Variants in BORCS5 observed in about 807,000 individuals in gnomAD.
BORCS5 encodes BLOC-1-related complex subunit 5.
In BORCS5, 17 loss-of-function variants were observed where a neutral mutation model predicts 22.1. That is an observed-to-expected ratio of 0.77 (90% CI 0.53 to 1.15). The LOEUF is 1.15. Ranked by LOEUF, BORCS5 falls within the 50% of genes most tolerant of loss-of-function variation. The pLI, the probability that BORCS5 is intolerant of heterozygous loss-of-function variation, is 0.00. For missense variants in BORCS5, 247 were observed against 253.2 expected, an observed-to-expected ratio of 0.98 and a Z score of 0.17; for synonymous variants, 117 against 99.8, an observed-to-expected ratio of 1.17 and a Z score of -1.03.
intron 2 of BORCS5, among the ~76,000 whole-genome samples, chr12:12,382,863 C>A (rs1186506897): frequency 6.6e-6 from 1 of 151,056 alleles, no homozygotes; most frequent in African/African-American, 2.4e-5. Context: ...TGTTTGCTTT[C>A]AACTCTTTTG....
chr12:12,371,145 T>C (rs2417182), intron 2 of BORCS5, among the ~76,000 whole-genome samples: 32,132 of 152,188 alleles, frequency 0.21, 8,166 homozygotes, highest in African/African-American at 0.61. Flanking sequence ...CTTCCATGTC[T>C]CCAGCTCTAG....
intron 2 of BORCS5, among the ~76,000 whole-genome samples, chr12:12,370,212 A>G (rs1863496597): frequency 6.6e-6 from 1 of 152,110 alleles, no homozygotes; most frequent in Non-Finnish European, 1.5e-5. Context: ...ATGTTTACCC[A>G]CATAGTTAAC....
In BORCS5 at chr12:12,470,583, C is replaced by A. The variant is rs1431978293; in HGVS notation, c.*4807C>A. Among the ~76,000 whole-genome samples the A allele has an allele frequency of 2.6e-5, 4 of 151,984 alleles. No homozygotes were observed. The highest frequency in any genetic ancestry group is 5.9e-5 in the Non-Finnish European group (4 of 67,998). ...CATCCAGAAACCATCCCCCTGCTTCCCTGTCTGTAGAAAAATTGTCTTCTA... is the reference window on the plus strand; with the variant it reads ...CATCCAGAAACCATCCCCCTGCTTCACTGTCTGTAGAAAAATTGTCTTCTA... On this transcript the variant is annotated 3_prime_UTR_variant, in exon 4 of 4. Transcript: ENST00000314565.
intron 2 of BORCS5, among the ~76,000 whole-genome samples, chr12:12,399,028 C>G (rs996592510): frequency 5.3e-5 from 8 of 152,132 alleles, no homozygotes; most frequent in Non-Finnish European, 8.8e-5. Context: ...AGTGGTGCCC[C>G]AGTCTCTGCG....
intron 3 of BORCS5, among the ~76,000 whole-genome samples, chr12:12,438,439 G>A (rs980943495): frequency 6.6e-6 from 1 of 151,038 alleles, no homozygotes; most frequent in African/African-American, 2.5e-5. Flanking sequence ...TTAGTAAAGT[G>A]TGGTACGGAG....
chr12:12,412,315 T>A (rs970763385), intron 2 of BORCS5, among the ~76,000 whole-genome samples: 1 of 152,230 alleles, frequency 6.6e-6, no homozygotes, highest in African/African-American at 2.4e-5. Context: ...ATGGTTTTTT[T>A]TATTGTACAA....
intron 2 of BORCS5, among the ~76,000 whole-genome samples, chr12:12,369,461 G>A (rs960152441): frequency 6.6e-6 from 1 of 151,918 alleles, no homozygotes; most frequent in East Asian, 1.9e-4. Flanking sequence ...TTTGTGCTGT[G>A]TGCTTTTGGT....
chr12:12,438,073 TG>T (rs765938357), intron 3 of BORCS5, among the ~76,000 whole-genome samples: 1 of 152,178 alleles, frequency 6.6e-6, no homozygotes, highest in Non-Finnish European at 1.5e-5. Context: ...TAATTAACTA[TG>T]ACATTAACTC....
In BORCS5 at chr12:12,435,779, C is replaced by G; in HGVS notation, c.354C>G (p.Ile118Met). The stretch of plus-strand genomic sequence containing the variant: ...ACCAGAATGCTTTGGTTAAACGAAT[C>G]AAAGAGGTAATGTGCTGCGGGAAAA... ...AFDQNALVKRIKEMDLSVETL... is the reference protein window; with the variant it reads ...AFDQNALVKRMKEMDLSVETL... Residue 118 changes from isoleucine (I) to methionine (M), a missense_variant, in exon 3 of 4, where the codon ATC (isoleucine) becomes ATG (methionine). Ile to Met is a conservative substitution (Grantham distance 10). Coordinates refer to ENST00000314565, the MANE Select transcript of BORCS5 (RefSeq NM_058169.6). 1 of 1,611,326 alleles carries G rather than the reference C, an allele frequency of 6.2e-7. No individual in the cohort carries two copies. Among genetic ancestry groups the G allele is most frequent in the East Asian group, 2.2e-5 (1 of 44,764 alleles).
intron 3 of BORCS5, among the ~76,000 whole-genome samples, chr12:12,464,472 TC>T (rs758464381): frequency 7.2e-5 from 11 of 152,164 alleles, no homozygotes; most frequent in Non-Finnish European, 1.5e-4. Context: ...TGAGCCCTTG[TC>T]CTGATGCAAG....
intron 2 of BORCS5, among the ~76,000 whole-genome samples, chr12:12,433,373 A>C (rs1043265236): frequency 6.7e-6 from 1 of 149,946 alleles, no homozygotes; most frequent in Non-Finnish European, 1.5e-5. Flanking sequence ...GTGCAGCGGC[A>C]TACTCCTGTA....
intron 1 of BORCS5, among the ~76,000 whole-genome samples, chr12:12,358,643 G>A (rs893833611): frequency 1.1e-4 from 17 of 152,128 alleles, no homozygotes; most frequent in Non-Finnish European, 2.2e-4. Context: ...GAGCATTTCC[G>A]ATGTTAGAAT....
chr12:12,400,746 T>C (rs1409375505), intron 2 of BORCS5, among the ~76,000 whole-genome samples: 1 of 152,214 alleles, frequency 6.6e-6, no homozygotes, highest in Non-Finnish European at 1.5e-5. Context: ...CCTTCCCTGA[T>C]ATTCCCTCCT....
chr12:12,391,447 A>G (rs561264121), intron 2 of BORCS5, among the ~76,000 whole-genome samples: 4 of 151,580 alleles, frequency 2.6e-5, no homozygotes, highest in African/African-American at 7.3e-5. Flanking sequence ...GTGCAGTGGC[A>G]TGATCTCGGC....
rs778373272 is a variant in BORCS5, at chr12:12,395,043, A to G, written c.202+33694A>G. Among the ~76,000 whole-genome samples, 15 of 151,978 alleles carry G rather than the reference A, an allele frequency of 9.9e-5. 1 individual carries two copies. Among genetic ancestry groups the G allele is most frequent in the Non-Finnish European group, 1.8e-4 (12 of 68,030 alleles). Reference sequence around the variant, plus strand: ...AGTCATAGGAAACAACTGTATATAGAGAGGAATGATTAATTGAGCTGAACC... The same window carrying G: ...AGTCATAGGAAACAACTGTATATAGGGAGGAATGATTAATTGAGCTGAACC... On this transcript the variant is annotated intron_variant, in intron 2 of 3. Coordinates refer to ENST00000314565, the MANE Select transcript of BORCS5 (RefSeq NM_058169.6).
chr12:12,374,585 T>C (rs1863606066), intron 2 of BORCS5, among the ~76,000 whole-genome samples: 1 of 151,902 alleles, frequency 6.6e-6, no homozygotes, highest in African/African-American at 2.4e-5. Flanking sequence ...GCGGTGTTCA[T>C]AGCGCTGTAC....
intron 2 of BORCS5, among the ~76,000 whole-genome samples, chr12:12,409,093 T>C (rs1240844039): frequency 2.1e-5 from 2 of 93,034 alleles, no homozygotes; most frequent in Non-Finnish European, 6.0e-5. Flanking sequence ...TTTGCCATCA[T>C]TTTTTTTTGT....
chr12:12,416,633 T>C (rs1941964234), intron 2 of BORCS5, among the ~76,000 whole-genome samples: 1 of 151,840 alleles, frequency 6.6e-6, no homozygotes, highest in South Asian at 2.1e-4. Context: ...TTTATTTACT[T>C]ATTTTTTTAA....
At chr12:12,358,184 T>C (rs1031190214) in intron 1 of BORCS5, among the ~76,000 whole-genome samples, 2 of 152,240 alleles carry the variant, frequency 1.3e-5, no homozygotes, top group African/African-American at 4.8e-5. Flanking sequence ...TTGAGGACCA[T>C]TTGCTGCTTT....
Sources: gnomAD v4.1 joint callset for allele counts (sites outside exome capture counted in the v4.1 genomes callset) on GRCh38, gnomAD v4.1.1 for gene constraint, MANE v1.5 for transcripts, NCBI Gene and HGNC (gene_info 2026-07-23, HGNC 2026-07-21) for gene names.